The following LYPLAL1 variants were observed in gnomAD, a reference collection of about 807,000 sequenced individuals.
LYPLAL1 encodes lysophospholipase like 1.
LYPLAL1 carries 23 observed loss-of-function variants against 19.7 expected under a neutral mutation model. That is an observed-to-expected ratio of 1.17 (90% CI 0.84 to 1.65). The LOEUF (loss-of-function observed/expected upper bound fraction) is 1.65. LYPLAL1 is among the 40% of genes most tolerant of loss of function. The pLI, the probability that LYPLAL1 is intolerant of heterozygous loss-of-function variation, is 0.00. For synonymous variants in LYPLAL1, 119 were observed against 96.3 expected, an observed-to-expected ratio of 1.24 and a Z score of -1.38; for missense variants, 355 against 279.4, an observed-to-expected ratio of 1.27 and a Z score of -1.93.
At chr1:219,179,365 A>C in intron 2 of LYPLAL1, 119 bp downstream of exon 2, 1 of 760,134 alleles carries the variant, frequency 1.3e-6, no homozygotes, top group Non-Finnish European at 2.2e-6. Flanking sequence ...TTTAAATTAG[A>C]GTACTTTGTC....
the LYPLAL1 span, among the ~76,000 whole-genome samples, chr1:219,284,434 C>G: frequency 6.6e-6 from 1 of 152,050 alleles, no homozygotes; most frequent in African/African-American, 2.4e-5. Context: ...CCCCATTTGT[C>G]CTGATGTGAT....
At chr1:219,413,536 AC>A in the LYPLAL1 span, among the ~76,000 whole-genome samples, 1 of 152,102 alleles carries the variant, frequency 6.6e-6, no homozygotes, top group Non-Finnish European at 1.5e-5. Flanking sequence ...GGCTGGAATT[AC>A]CTCTGAGGCC....
Position 219,212,643 on chromosome 1 carries a change from A to C in LYPLAL1, c.*915A>C, listed in dbSNP as rs1055642. On this transcript the variant is annotated 3_prime_UTR_variant, in exon 5 of 5. Transcript: ENST00000366928. The stretch of plus-strand genomic sequence containing the variant: ...GTTTTATTAAATATACATTATCCCT[A>C]TTTGTATAAATAGAATCATACAATA... 5 of 151,890 alleles carry C rather than the reference A, an allele frequency of 3.3e-5. No homozygotes were observed. Among genetic ancestry groups the C allele is most frequent in the African/African-American group, 1.2e-4 (5 of 41,468 alleles). The allele number at this position is 151,890 out of a possible 1,614,324, so 9.4% of individuals were successfully genotyped here. A position where few individuals can be genotyped will look rare whatever the true frequency, so the allele number is the denominator to read the frequency against.
chr1:219,246,450 G>A, the LYPLAL1 span, among the ~76,000 whole-genome samples: 6 of 152,088 alleles, frequency 3.9e-5, no homozygotes, highest in African/African-American at 1.4e-4. Context: ...GAACATGAGA[G>A]GAGAGGAAAA....
Position 219,193,267 on chromosome 1 carries a change from GT to G in LYPLAL1, c.361+18del, listed in dbSNP as rs1419337971. 1 of 1,592,876 alleles carries G rather than the reference GT, an allele frequency of 6.3e-7. No homozygotes were observed. Among genetic ancestry groups the G allele is most frequent in the Non-Finnish European group, 8.6e-7 (1 of 1,167,128 alleles). On this transcript the variant is annotated intron_variant, in intron 3 of 4. Coordinates refer to ENST00000366928, the MANE Select transcript of LYPLAL1 (RefSeq NM_138794.5). ...ATATTAATAGGTAAGACCTTTAAAT[GT>G]TGGTAATTTATCACTGTTCACTTTT...
chr1:219,362,514 T>C, the LYPLAL1 span, among the ~76,000 whole-genome samples: 2 of 152,102 alleles, frequency 1.3e-5, no homozygotes, highest in Non-Finnish European at 2.9e-5. Flanking sequence ...ATGTTAGTAA[T>C]AAAGGAAAAT....
chr1:219,222,165 A>T, the LYPLAL1 span: 1 of 80,038 alleles, frequency 1.2e-5, no homozygotes, highest in African/African-American at 3.5e-5. Context: ...CATGCCACTT[A>T]AGGCAGTGAG....
chr1:219,213,972 G>A (rs1261610300), downstream of LYPLAL1, among the ~76,000 whole-genome samples: 1 of 152,046 alleles, frequency 6.6e-6, no homozygotes, highest in African/African-American at 2.4e-5. Flanking sequence ...CTTGTTCCCA[G>A]CCTTAGGAGA....
chr1:219,282,244 A>G, the LYPLAL1 span, among the ~76,000 whole-genome samples: 1 of 152,170 alleles, frequency 6.6e-6, no homozygotes, highest in African/African-American at 2.4e-5. Flanking sequence ...AAATACAAGC[A>G]TTAAATAGAA....
chr1:219,219,921 T>G, the LYPLAL1 span, among the ~76,000 whole-genome samples: 4 of 147,840 alleles, frequency 2.7e-5, no homozygotes, highest in Non-Finnish European at 6.1e-5. Flanking sequence ...TTAAGGTGCT[T>G]GCAACAGTTT....
At chr1:219,367,350 G>A in the LYPLAL1 span, among the ~76,000 whole-genome samples, 4 of 152,234 alleles carry the variant, frequency 2.6e-5, no homozygotes, top group South Asian at 6.2e-4. Flanking sequence ...TGATGAATCC[G>A]ATTTTTCTGA....
chr1:219,217,993 T>C, the LYPLAL1 span, among the ~76,000 whole-genome samples: 2 of 152,034 alleles, frequency 1.3e-5, no homozygotes, highest in African/African-American at 2.4e-5. Flanking sequence ...TTTTTTATTA[T>C]ATAGTTCTTC....
At chr1:219,318,252 T>C in the LYPLAL1 span, among the ~76,000 whole-genome samples, 4 of 152,196 alleles carry the variant, frequency 2.6e-5, no homozygotes, top group African/African-American at 9.6e-5. Flanking sequence ...TCCATCACCT[T>C]GAGTGTTCCT....
intron 4 of LYPLAL1, 51 bp downstream of exon 4, chr1:219,210,698 T>C (rs868247035): frequency 6.5e-7 from 1 of 1,528,734 alleles, no homozygotes. Flanking sequence ...TATATACATG[T>C]TAAAACTAAA....
rs777326480 is a variant in LYPLAL1 at position 219,193,114 on chromosome 1, A to T, written c.224A>T (p.Asn75Ile). 3.1e-6 allele frequency: 5 copies of T among 1,609,200 alleles called. No individual in the cohort carries two copies. The South Asian group carries it at 5.5e-5, about 18-fold the overall frequency. ...ACTCCTATGAAAGGAGGAATCTCCAATGTATGGTTTGACAGATTTAAAATA... is the reference window on the plus strand; with the variant it reads ...ACTCCTATGAAAGGAGGAATCTCCATTGTATGGTTTGACAGATTTAAAATA... Reference protein sequence around the residue: ...SYTPMKGGISNVWFDRFKITN... With the variant: ...SYTPMKGGISIVWFDRFKITN... Residue 75 changes from asparagine (N) to isoleucine (I), a missense_variant, in exon 3 of 5, where the codon AAT becomes ATT. By Grantham distance (149) the Asn-to-Ile change is moderately radical. Transcript: ENST00000366928.
chr1:219,401,075 T>G, the LYPLAL1 span, among the ~76,000 whole-genome samples: 1 of 152,146 alleles, frequency 6.6e-6, no homozygotes, highest in Non-Finnish European at 1.5e-5. Flanking sequence ...CATTTTTAGA[T>G]AAAAGAAATA....
downstream of LYPLAL1, among the ~76,000 whole-genome samples, chr1:219,215,847 A>G (rs573152746): frequency 9.9e-5 from 15 of 152,224 alleles, no homozygotes; most frequent in Middle Eastern, 3.4e-3. Flanking sequence ...CATTTTTTCT[A>G]TTATTTTGCC....
the LYPLAL1 span, among the ~76,000 whole-genome samples, chr1:219,354,276 AACCTCC>A: frequency 6.6e-6 from 1 of 152,290 alleles, no homozygotes; most frequent in East Asian, 1.9e-4. Context: ...AGCTCACTGG[AACCTCC>A]ACCTCCCAGG....
chr1:219,410,782 A>G, the LYPLAL1 span, among the ~76,000 whole-genome samples: 138 of 152,246 alleles, frequency 9.1e-4, no homozygotes, highest in Non-Finnish European at 1.6e-3. Context: ...GCAATGGGGG[A>G]CTTAGCACCC....
Sources: allele counts gnomAD v4.1 joint callset (sites outside exome capture counted in the v4.1 genomes callset), GRCh38; gene constraint gnomAD v4.1.1; transcripts MANE v1.5; gene names NCBI Gene and HGNC (gene_info 2026-07-23, HGNC 2026-07-21).